GLCCI1: variants seen among roughly 807,000 people sequenced by gnomAD.
GLCCI1 encodes the protein glucocorticoid induced 1.
GLCCI1 carries 24 observed loss-of-function variants against 52.2 expected under a neutral mutation model. The ratio of observed to expected loss-of-function variants is 0.46; its 90% CI spans 0.33 to 0.65. The LOEUF (loss-of-function observed/expected upper bound fraction) is 0.65. Ranked by LOEUF, GLCCI1 falls within the 30% of genes least tolerant of loss-of-function variation. GLCCI1 has a pLI of 0.02. For missense variants in GLCCI1, 704 were observed against 701.5 expected (o/e 1.00, Z -0.04); for synonymous variants, 310 against 276.5 (o/e 1.12, Z -1.20).
chr7:7,980,511 C>G (rs1266186065), intron 1 of GLCCI1: 4 of 393,048 alleles, frequency 1.0e-5, no homozygotes, highest in Non-Finnish European at 1.8e-5. Flanking sequence ...ACAGTTATTG[C>G]CTTATTCACA....
intron 6 of GLCCI1, among the ~76,000 whole-genome samples, chr7:8,073,153 A>G (rs1046744081): frequency 2.0e-5 from 3 of 152,174 alleles, no homozygotes; most frequent in African/African-American, 7.2e-5. Context: ...CTTTGGGACC[A>G]TAGGAATGCA....
chr7:7,973,911 TTTTCTC>T (rs1376851746), intron 1 of GLCCI1, among the ~76,000 whole-genome samples: 4 of 152,080 alleles, frequency 2.6e-5, no homozygotes, highest in Admixed American at 6.5e-5. Flanking sequence ...TTTAATAACT[TTTTCTC>T]TTTTAAAAGA....
chr7:7,973,087 G>C lies in GLCCI1; in HGVS notation c.457+3280G>C, dbSNP rs922436641. ...AAGGGTATTGCAGTGGTGAATGACA[G>C]GCTGCTGAATGAATCCTCAGGCTCC... On this transcript the variant is annotated intron_variant, in intron 1 of 7. Coordinates refer to ENST00000223145, the MANE Select transcript of GLCCI1 (RefSeq NM_138426.4). Among the ~76,000 whole-genome samples the C allele has an allele frequency of 1.1e-4, 16 of 152,268 alleles. No individual in the cohort carries two copies. The South Asian group carries it at 2.3e-3, about 22-fold the overall frequency.
At chr7:8,015,950 C>A (rs182295472) in intron 2 of GLCCI1, among the ~76,000 whole-genome samples, 81 of 152,276 alleles carry the variant, frequency 5.3e-4, no homozygotes, top group Admixed American at 7.8e-4. Flanking sequence ...CTTTCTCATG[C>A]CTTTGCCCCT....
At chr7:8,030,198 C>T (rs1422252324) in intron 3 of GLCCI1, among the ~76,000 whole-genome samples, 2 of 152,062 alleles carry the variant, frequency 1.3e-5, no homozygotes, top group African/African-American at 2.4e-5. Context: ...AAAACAGACC[C>T]GTAGACCAAT....
intron 6 of GLCCI1, among the ~76,000 whole-genome samples, chr7:8,080,234 A>G (rs1444067180): frequency 1.3e-5 from 2 of 151,562 alleles, no homozygotes; most frequent in East Asian, 1.9e-4. Flanking sequence ...ATATTTTAAC[A>G]CTAGAGTAGT....
intron 6 of GLCCI1, among the ~76,000 whole-genome samples, chr7:8,079,301 ATGT>A (rs1367227288): frequency 6.6e-6 from 1 of 151,614 alleles, no homozygotes; most frequent in Non-Finnish European, 1.5e-5. Flanking sequence ...TTAAAAACTG[ATGT>A]TCCTGGAAAT....
rs1345254365 is a variant in GLCCI1 at position 7,969,833 on chromosome 7, C to G, written c.457+26C>G. On this transcript the variant is annotated intron_variant, in intron 1 of 7. Coordinates refer to ENST00000223145, the MANE Select transcript of GLCCI1 (RefSeq NM_138426.4). This position sits in a 1 kb window ranked among gnomAD's most constrained non-coding sequence, Gnocchi z 4.9. ...GTAGCGAGCCCAACCCTCCCGTCCTCCCGGGCTGCGTCTCCCCGACGGTGC... is the reference window on the plus strand; with the variant it reads ...GTAGCGAGCCCAACCCTCCCGTCCTGCCGGGCTGCGTCTCCCCGACGGTGC... 7.1e-7 allele frequency: 1 copy of G among 1,408,208 alleles called. No individual in the cohort carries two copies. The highest frequency in any genetic ancestry group is 1.3e-5 in the South Asian group (1 of 75,044). The allele number at this position is 1,408,208 out of a possible 1,614,324, so 87.2% of individuals were successfully genotyped here.
At chr7:7,990,486 T>G (rs926488210) in intron 1 of GLCCI1, among the ~76,000 whole-genome samples, 1 of 152,130 alleles carries the variant, frequency 6.6e-6, no homozygotes, top group Non-Finnish European at 1.5e-5. Flanking sequence ...TACACTTGTT[T>G]ATGCTGCTGG....
chr7:8,046,365 A>G lies in GLCCI1; in HGVS notation c.697-9068A>G, dbSNP rs537069998. Among the ~76,000 whole-genome samples the G allele has an allele frequency of 5.9e-3, 898 of 152,314 alleles. 11 individuals carry two copies. The highest frequency in any genetic ancestry group is 0.019 in the African/African-American group (769 of 41,564). Reference sequence around the variant, plus strand: ...TTAACCTGAAAGACTGGTTCAGGCCATTATGGGAAGCAGGGGTGGACATGC... The same window carrying G: ...TTAACCTGAAAGACTGGTTCAGGCCGTTATGGGAAGCAGGGGTGGACATGC... On this transcript the variant is annotated intron_variant, in intron 3 of 7. Transcript: ENST00000223145.
chr7:7,983,645 TCTGTTTAG>T (rs1780666157), intron 1 of GLCCI1, among the ~76,000 whole-genome samples: 1 of 152,208 alleles, frequency 6.6e-6, no homozygotes, highest in East Asian at 1.9e-4. Context: ...TATAGAGATT[TCTGTTTAG>T]CTATATATGT....
intron 1 of GLCCI1, chr7:7,981,138 G>T (rs1483882604): frequency 2.2e-6 from 1 of 460,920 alleles, no homozygotes; most frequent in African/African-American, 2.1e-5. Flanking sequence ...ATTGAATCCA[G>T]TGACCACAGA....
intron 2 of GLCCI1, among the ~76,000 whole-genome samples, chr7:8,017,969 T>G (rs1183557579): frequency 6.6e-6 from 1 of 152,174 alleles, no homozygotes; most frequent in Non-Finnish European, 1.5e-5. Context: ...AAAAACAAAT[T>G]TTTGTAAACA....
At chr7:8,023,588 C>CATTTTTTTTTTTTTTTT (rs1781543370) in intron 3 of GLCCI1, among the ~76,000 whole-genome samples, 2 of 41,984 alleles carry the variant, frequency 4.8e-5, no homozygotes, top group African/African-American at 2.0e-4. Flanking sequence ...CTCTGTTATT[C>CATTTTTTTTTTTTTTTT]TTTTTTTTTT....
chr7:8,060,035 CTT>C, intron 4 of GLCCI1, 59 bp from the exon 5 acceptor site: 1 of 1,376,920 alleles, frequency 7.3e-7, no homozygotes, highest in South Asian at 1.4e-5. Context: ...TTACCATACT[CTT>C]TAGTTCTTGA....
chr7:8,070,774 C>G (rs2127964503), intron 5 of GLCCI1, 147 bp from the exon 6 acceptor site: 2 of 648,632 alleles, frequency 3.1e-6, no homozygotes, highest in Middle Eastern at 3.8e-4. Context: ...CAGAAATTAG[C>G]TTAAGACACA....
intron 1 of GLCCI1, among the ~76,000 whole-genome samples, chr7:7,989,119 A>G (rs1780790545): frequency 6.6e-6 from 1 of 152,174 alleles, no homozygotes; most frequent in Non-Finnish European, 1.5e-5. Context: ...GTCAGAAAAT[A>G]CATATTGGGC....
At chr7:8,022,282 G>GA (rs1329447837) in intron 2 of GLCCI1, among the ~76,000 whole-genome samples, 3 of 152,052 alleles carry the variant, frequency 2.0e-5, no homozygotes, top group Non-Finnish European at 2.9e-5. Flanking sequence ...GTGACTCAGA[G>GA]ACATCTTTGA....
intron 6 of GLCCI1, among the ~76,000 whole-genome samples, chr7:8,083,538 T>A (rs762313321): frequency 6.6e-6 from 1 of 152,154 alleles, no homozygotes; most frequent in Non-Finnish European, 1.5e-5. Flanking sequence ...AGATGTAGGA[T>A]AAATATTAAA....
Sources: gnomAD v4.1 joint callset for allele counts (sites outside exome capture counted in the v4.1 genomes callset) on GRCh38, gnomAD v4.1.1 for gene constraint, Gnocchi (gnomAD v3.1) non-coding constraint, MANE v1.5 for transcripts, NCBI Gene and HGNC (gene_info 2026-07-23, HGNC 2026-07-21) for gene names.